The following NCEH1 variants were observed in gnomAD, a reference collection of about 807,000 sequenced individuals.
The protein encoded by NCEH1 is 2-acetyl MAGE hydrolase.
NCEH1 carries 9 observed loss-of-function variants against 25.4 expected under a neutral mutation model. The observed-to-expected ratio is 0.35, with a 90% CI of 0.21 to 0.62. NCEH1 has a LOEUF of 0.62. Among genes scored for constraint, NCEH1 ranks in the 20% least tolerant of loss-of-function variants. The pLI is 0.72. For synonymous variants in NCEH1, 200 were observed against 199.8 expected, an observed-to-expected ratio of 1.00 and a Z score of -0.01; for missense variants, 412 against 501.1, an observed-to-expected ratio of 0.82 and a Z score of 1.70.
intron 1 of NCEH1, among the ~76,000 whole-genome samples, chr3:172,676,908 A>T (rs560954545): frequency 5.7e-4 from 86 of 152,054 alleles, no homozygotes; most frequent in African/African-American, 1.8e-3. Flanking sequence ...CAATAACTAG[A>T]TCGTGAGCTC....
At chr3:172,662,599 A>T (rs1560190827) in intron 1 of NCEH1, among the ~76,000 whole-genome samples, 2 of 151,994 alleles carry the variant, frequency 1.3e-5, no homozygotes, top group Non-Finnish European at 2.9e-5. Flanking sequence ...TGGCCCTGGA[A>T]TTTTTTTGGT....
chr3:172,684,194 T>C (rs1712562170), intron 1 of NCEH1, among the ~76,000 whole-genome samples: 1 of 152,220 alleles, frequency 6.6e-6, no homozygotes, highest in Non-Finnish European at 1.5e-5. Flanking sequence ...ATACAGTGTG[T>C]TCAACACATG....
rs61592238 is a variant in NCEH1 at position 172,691,946 on chromosome 3, CAAAAAAAAAAAA to C, written c.138+18889_138+18900del. Among the ~76,000 whole-genome samples, 5 of 80,012 alleles carry C rather than the reference CAAAAAAAAAAAA, an allele frequency of 6.2e-5. 1 individual carries two copies. In the Admixed American group the frequency reaches 9.4e-4, roughly 15 times the overall value. The allele number at this position is 80,012 out of a possible 152,430, so 52.5% of individuals were successfully genotyped here. A position where few individuals can be genotyped will look rare whatever the true frequency, so the allele number is the denominator to read the frequency against. On this transcript the variant is annotated intron_variant, in intron 1 of 4. Transcript: ENST00000475381. The stretch of plus-strand genomic sequence containing the variant: ...TGGGCGACAGAGCAAGACTCCGTCT[CAAAAAAAAAAAA>C]AAAAAAAAAAGAAAGAAAGAAAGAA...
intron 1 of NCEH1, among the ~76,000 whole-genome samples, chr3:172,705,138 T>TG (rs935653195): frequency 1.2e-4 from 18 of 152,168 alleles, no homozygotes; most frequent in African/African-American, 3.9e-4. Flanking sequence ...AAATTATCCC[T>TG]GGGGGGAAAA....
intron 1 of NCEH1, among the ~76,000 whole-genome samples, chr3:172,691,368 T>C (rs1299141558): frequency 3.6e-5 from 1 of 28,124 alleles, no homozygotes; most frequent in Admixed American, 4.2e-4. Context: ...AGATCTCTCC[T>C]TCATTTTTGT....
chr3:172,684,986 C>T (rs1325081730), intron 1 of NCEH1, among the ~76,000 whole-genome samples: 1 of 145,474 alleles, frequency 6.9e-6, no homozygotes, highest in East Asian at 2.0e-4. Flanking sequence ...TCCCCCACTC[C>T]CATCCCCAAA....
chr3:172,695,751 C>A (rs1713325595), intron 1 of NCEH1, among the ~76,000 whole-genome samples: 1 of 152,026 alleles, frequency 6.6e-6, no homozygotes, highest in African/African-American at 2.4e-5. Flanking sequence ...TGAGACCAGC[C>A]TGGCCAAAAT....
intron 1 of NCEH1, among the ~76,000 whole-genome samples, chr3:172,694,597 C>T (rs180847281): frequency 6.6e-6 from 1 of 152,298 alleles, no homozygotes; most frequent in East Asian, 1.9e-4. Context: ...CTCCAACAGA[C>T]AGGTTACGGG....
At chr3:172,685,357 A>T (rs1712639434) in intron 1 of NCEH1, among the ~76,000 whole-genome samples, 1 of 152,198 alleles carries the variant, frequency 6.6e-6, no homozygotes, top group South Asian at 2.1e-4. Context: ...AATTCTCTCT[A>T]GTCTAGGTCT....
intron 1 of NCEH1, among the ~76,000 whole-genome samples, chr3:172,694,457 G>A (rs557215090): frequency 9.9e-5 from 15 of 151,524 alleles, no homozygotes; most frequent in African/African-American, 3.1e-4. Context: ...AATTTCCATC[G>A]GTAACCTCCA....
chr3:172,632,728 C>T lies in NCEH1; in HGVS notation c.*747G>A, dbSNP rs1040234035. The T allele has an allele frequency of 6.6e-6, 1 of 152,574 alleles. No individual in the cohort carries two copies. The highest frequency in any genetic ancestry group is 2.4e-5 in the African/African-American group (1 of 41,448). The allele number at this position is 152,574 out of a possible 1,614,324, so 9.5% of individuals were successfully genotyped here. A position where few individuals can be genotyped will look rare whatever the true frequency, so the allele number is the denominator to read the frequency against. ...TAAATAAGTTTGCTCCCAAATATCT[C>T]CCCAAGGAGAAGGGGGACAGCATAA... is the stretch of plus-strand genomic sequence containing the variant. On this transcript the variant is annotated 3_prime_UTR_variant, in exon 5 of 5. Transcript: ENST00000475381.
chr3:172,663,860 C>T (rs1263399323), intron 1 of NCEH1, among the ~76,000 whole-genome samples: 3 of 152,134 alleles, frequency 2.0e-5, no homozygotes, highest in Non-Finnish European at 4.4e-5. Context: ...TGTGTCTCTG[C>T]ATGTGAGATG....
At chr3:172,666,234 T>C (rs1718201246) in intron 1 of NCEH1, among the ~76,000 whole-genome samples, 1 of 152,188 alleles carries the variant, frequency 6.6e-6, no homozygotes, top group South Asian at 2.1e-4. Context: ...CTTCTTCCTG[T>C]CCCGGTGTGT....
intron 1 of NCEH1, among the ~76,000 whole-genome samples, chr3:172,686,643 AAGG>A (rs1712712702): frequency 6.6e-6 from 1 of 152,208 alleles, no homozygotes; most frequent in South Asian, 2.1e-4. Flanking sequence ...GAGTATCCTG[AAGG>A]AGATTTGAGG....
intron 1 of NCEH1, among the ~76,000 whole-genome samples, chr3:172,687,576 G>A (rs997813850): frequency 2.0e-5 from 3 of 152,194 alleles, no homozygotes; most frequent in Non-Finnish European, 2.9e-5. Flanking sequence ...GGCAACTAAT[G>A]GAAATGAGTA....
intron 1 of NCEH1, among the ~76,000 whole-genome samples, chr3:172,694,084 G>A (rs181649385): frequency 2.6e-5 from 4 of 152,058 alleles, no homozygotes; most frequent in East Asian, 1.9e-4. Context: ...TTGTAGAGAC[G>A]GGTCTCACCA....
intron 1 of NCEH1, among the ~76,000 whole-genome samples, chr3:172,657,560 A>T (rs533616720): frequency 1.3e-5 from 2 of 152,136 alleles, no homozygotes; most frequent in South Asian, 4.1e-4. Flanking sequence ...TAAGATGCTC[A>T]TTATTTTCTG....
chr3:172,706,219 T>G (rs918755847), intron 1 of NCEH1, among the ~76,000 whole-genome samples: 2 of 151,976 alleles, frequency 1.3e-5, no homozygotes, highest in African/African-American at 4.8e-5. Context: ...TTGTAGAAAA[T>G]CTAGAATACA....
At chr3:172,651,303 T>C (rs182119154) in intron 1 of NCEH1, among the ~76,000 whole-genome samples, 1 of 152,268 alleles carries the variant, frequency 6.6e-6, no homozygotes, top group East Asian at 1.9e-4. Context: ...CTGAGCCCTA[T>C]CCAGTATGCG....
Sources: allele counts gnomAD v4.1 joint callset (sites outside exome capture counted in the v4.1 genomes callset), GRCh38; gene constraint gnomAD v4.1.1; transcripts MANE v1.5; gene names NCBI Gene and HGNC (gene_info 2026-07-23, HGNC 2026-07-21).